The following LOXL1 variants were observed in gnomAD, a reference collection of about 807,000 sequenced individuals.
The protein encoded by LOXL1 is lysyl oxidase like 1.
Under a neutral mutation model 62.2 loss-of-function variants are expected in LOXL1, and 31 were observed. The ratio of observed to expected loss-of-function variants is 0.50; its 90% CI spans 0.37 to 0.67. The LOEUF (loss-of-function observed/expected upper bound fraction) is 0.67, where lower values mean the gene tolerates loss of function less well. Ranked by LOEUF, LOXL1 falls within the 30% of genes least tolerant of loss-of-function variation. The pLI, the probability that LOXL1 is intolerant of heterozygous loss-of-function variation, is 0.00. For synonymous variants in LOXL1, 403 were observed against 384.4 expected, an observed-to-expected ratio of 1.05 and a Z score of -0.56; for missense variants, 775 against 843.4, an observed-to-expected ratio of 0.92 and a Z score of 1.00.
intron 4 of LOXL1, 122 bp from the exon 5 acceptor site, chr15:73,947,685 G>T (rs1400430162): frequency 2.9e-6 from 2 of 691,590 alleles, no homozygotes; most frequent in African/African-American, 1.8e-5. Context: ...CTGAGCAGTT[G>T]CCCTGGGCCA....
chr15:73,933,387 G>C (rs563679711), intron 1 of LOXL1, among the ~76,000 whole-genome samples: 1 of 152,256 alleles, frequency 6.6e-6, no homozygotes, highest in African/African-American at 2.4e-5. Flanking sequence ...ACCTGTCTCT[G>C]TGTTCACTGT....
At chr15:73,935,723 A>C (rs2068666119) in intron 1 of LOXL1, among the ~76,000 whole-genome samples, 1 of 152,186 alleles carries the variant, frequency 6.6e-6, no homozygotes, top group Non-Finnish European at 1.5e-5. Flanking sequence ...CCTCCCCCTC[A>C]GCCCAGCCTG....
chr15:73,947,686 C>T, intron 4 of LOXL1, 121 bp from the exon 5 acceptor site: 2 of 700,160 alleles, frequency 2.9e-6, no homozygotes, highest in Non-Finnish European at 5.0e-6. Context: ...TGAGCAGTTG[C>T]CCTGGGCCAG....
At chr15:73,927,934 G>A (rs1363755382) in intron 1 of LOXL1, 49 bp downstream of exon 1, 3 of 1,284,414 alleles carry the variant, frequency 2.3e-6, no homozygotes, top group Admixed American at 8.4e-5. Context: ...CCTGGCCACT[G>A]GAAACTGCTC....
At chr15:73,940,263 A>G (rs1469648004) in intron 1 of LOXL1, among the ~76,000 whole-genome samples, 1 of 152,162 alleles carries the variant, frequency 6.6e-6, no homozygotes, top group Non-Finnish European at 1.5e-5. Context: ...CAGTAAGAGG[A>G]AGAAGATGAT....
chr15:73,942,236 A>C (rs2068719069), intron 1 of LOXL1, among the ~76,000 whole-genome samples: 1 of 152,046 alleles, frequency 6.6e-6, no homozygotes, highest in African/African-American at 2.4e-5. Flanking sequence ...CCCTGTCAGC[A>C]GCCTGCTCTG....
At position 73,951,848 on chromosome 15, in the gene LOXL1, G is replaced by C; in HGVS notation, c.*11G>C. On this transcript the variant is annotated 3_prime_UTR_variant, in exon 7 of 7. Transcript: ENST00000261921. ...TTCCTCAGATCCTGATCTCCGGGAGGGACAGATGGCCAATCTCTCCCCTTC... is the reference window on the plus strand; with the variant it reads ...TTCCTCAGATCCTGATCTCCGGGAGCGACAGATGGCCAATCTCTCCCCTTC... 6.5e-7 allele frequency: 1 copy of C among 1,542,912 alleles called. No homozygotes were observed. Among genetic ancestry groups the C allele is most frequent in the Non-Finnish European group, 8.8e-7 (1 of 1,140,240 alleles).
intron 1 of LOXL1, chr15:73,941,899 GCC>G (rs1474649114): frequency 9.5e-6 from 2 of 211,516 alleles, no homozygotes; most frequent in Admixed American, 5.2e-5. Context: ...ACTCCTGCAT[GCC>G]CAGGGAGGAA....
At position 73,947,266 on chromosome 15, in the gene LOXL1, A is replaced by C. The variant is rs774895115; in HGVS notation, c.1506+43A>C. ...GGGTTTGGGGCATGGGAGGATAAGG[A>C]GTTGGGGAGGCAAAGAGCGAGGCCC... On this transcript the variant is annotated intron_variant, in intron 4 of 6. Coordinates refer to ENST00000261921, the MANE Select transcript of LOXL1 (RefSeq NM_005576.4). 22 of 1,559,860 alleles carry C rather than the reference A, an allele frequency of 1.4e-5. 1 individual carries two copies. Among genetic ancestry groups the C allele is most frequent in the Non-Finnish European group, 1.9e-5 (22 of 1,146,196 alleles).
In LOXL1 at chr15:73,926,984, G is replaced by T; in HGVS notation, c.201G>T (p.Gln67His). The T allele has an allele frequency of 1.3e-5, 19 of 1,500,938 alleles. No homozygotes were observed. The highest frequency in any genetic ancestry group is 1.7e-5 in the Non-Finnish European group (19 of 1,120,562). The allele number at this position is 1,500,938 out of a possible 1,614,324, so 93.0% of individuals were successfully genotyped here. The change falls in exon 1 of 7, where the codon CAG (glutamine) becomes CAT (histidine). Residue 67 changes from glutamine (Q) to histidine (H), a missense_variant. Physicochemically the swap from Gln to His is conservative, Grantham distance 24 (BLOSUM62 0). Transcript: ENST00000261921. Reference protein sequence around the residue: ...SGSEYVPAGPQRSESSSRVLL... With the variant: ...SGSEYVPAGPHRSESSSRVLL... ...CAGAGTACGTGCCGGCCGGACCTCA[G>T]CGCTCCGAGAGTAGCTCCCGGGTGC... is the stretch of plus-strand genomic sequence containing the variant.
At chr15:73,951,264 G>A (rs947285664) in intron 6 of LOXL1, among the ~76,000 whole-genome samples, 2 of 152,202 alleles carry the variant, frequency 1.3e-5, no homozygotes, top group African/African-American at 4.8e-5. Context: ...AGCAGCCTGC[G>A]CGGCCCTCCC....
rs560365300 is a variant in LOXL1 at position 73,930,654 on chromosome 15, C to T, written c.1102+2769C>T. Among the ~76,000 whole-genome samples, 2 of 152,258 alleles carry T rather than the reference C, an allele frequency of 1.3e-5. No individual in the cohort carries two copies. Among genetic ancestry groups the T allele is most frequent in the African/African-American group, 2.4e-5 (1 of 41,564 alleles). ...GTGTGTGTGGGCGTGGACGTGTCCT[C>T]ACAACACCAAGCACATGTGAGCACC... On this transcript the variant is annotated intron_variant, in intron 1 of 6. Coordinates refer to ENST00000261921, the MANE Select transcript of LOXL1 (RefSeq NM_005576.4). This position sits in a 1 kb window ranked among gnomAD's most constrained non-coding sequence, Gnocchi z 4.7.
Position 73,930,977 on chromosome 15 carries a change from C to T in LOXL1, c.1102+3092C>T, listed in dbSNP as rs895130151. 6.6e-5 allele frequency among the ~76,000 whole-genome samples: 10 copies of T among 152,182 alleles called. No homozygotes were observed. The highest frequency in any genetic ancestry group is 2.4e-4 in the African/African-American group (10 of 41,438). ...GTCTCCTGCACTGTGTCGGCTCCCT[C>T]GATGTGACCACTCCTGCTATTACCA... is the stretch of plus-strand genomic sequence containing the variant. On this transcript the variant is annotated intron_variant, in intron 1 of 6. Transcript: ENST00000261921. This position sits in a 1 kb window ranked among gnomAD's most constrained non-coding sequence, Gnocchi z 4.7.
At chr15:73,951,708 A>G in intron 6 of LOXL1, 123 bp from the exon 7 acceptor site, 2 of 820,834 alleles carry the variant, frequency 2.4e-6, no homozygotes, top group Non-Finnish European at 3.5e-6. Flanking sequence ...CTCTTGAGGG[A>G]AATGTAGGCC....
At chr15:73,951,140 G>A (rs979754864) in intron 6 of LOXL1, among the ~76,000 whole-genome samples, 26 of 152,196 alleles carry the variant, frequency 1.7e-4, no homozygotes, top group African/African-American at 6.0e-4. Flanking sequence ...CTGGGGGCTC[G>A]GGGAGGCAGG....
chr15:73,935,634 T>G lies in LOXL1; in HGVS notation c.1103-7220T>G, dbSNP rs1185650899. Among the ~76,000 whole-genome samples the G allele has an allele frequency of 2.6e-5, 4 of 152,232 alleles. No individual in the cohort carries two copies. The East Asian group carries it at 7.7e-4, about 29-fold the overall frequency. On this transcript the variant is annotated intron_variant, in intron 1 of 6. Coordinates refer to ENST00000261921, the MANE Select transcript of LOXL1 (RefSeq NM_005576.4). ...GTTGGGTTCACGCTGGGAGGAAATG[T>G]GCATTAGGTGTGCAGAGAGGCAGCA...
rs2068593602 is a variant in LOXL1 at position 73,927,488 on chromosome 15, G to A, written c.705G>A (p.Glu235=). Residue 235 remains glutamate (E), a synonymous_variant, in exon 1 of 7, where the codon GAG becomes GAA. Coordinates refer to ENST00000261921, the MANE Select transcript of LOXL1 (RefSeq NM_005576.4). ...IYPYQPRARY[E]EYGGGEELPE... is the part of the protein sequence containing the mutation. Reference sequence around the variant, plus strand: ...CCTACCAGCCCCGGGCGCGCTACGAGGAGTACGGCGGCGGCGAAGAGCTGC... The same window carrying A: ...CCTACCAGCCCCGGGCGCGCTACGAAGAGTACGGCGGCGGCGAAGAGCTGC... 2 of 1,461,364 alleles carry A rather than the reference G, an allele frequency of 1.4e-6. No homozygotes were observed. Among genetic ancestry groups the A allele is most frequent in the Non-Finnish European group, 1.8e-6 (2 of 1,111,634 alleles). The allele number at this position is 1,461,364 out of a possible 1,614,324, so 90.5% of individuals were successfully genotyped here.
chr15:73,933,703 C>CTT (rs1473657538), intron 1 of LOXL1, among the ~76,000 whole-genome samples: 1 of 152,286 alleles, frequency 6.6e-6, no homozygotes, highest in Non-Finnish European at 1.5e-5. Context: ...ACATGGAAGA[C>CTT]TTCCCAGGAC....
intron 4 of LOXL1, 179 bp from the exon 5 acceptor site, chr15:73,947,628 T>A: frequency 1.9e-6 from 1 of 536,912 alleles, no homozygotes; most frequent in Non-Finnish European, 3.3e-6. Flanking sequence ...TATCTGTCTT[T>A]CCTCTGGTCC....
Sources: allele counts gnomAD v4.1 joint callset (sites outside exome capture counted in the v4.1 genomes callset), GRCh38; gene constraint gnomAD v4.1.1; non-coding constraint Gnocchi (gnomAD v3.1); transcripts MANE v1.5; gene names NCBI Gene and HGNC (gene_info 2026-07-23, HGNC 2026-07-21).